The following NR3C2 variants were observed in gnomAD, a reference collection of about 807,000 sequenced individuals.
The protein encoded by NR3C2 is nuclear receptor subfamily 3 group C member 2.
In NR3C2, 15 loss-of-function variants were observed where a neutral mutation model predicts 86.4. The ratio of observed to expected loss-of-function variants is 0.17; its 90% confidence interval spans 0.12 to 0.27. NR3C2 has a LOEUF of 0.27. NR3C2 is among the 10% of genes least tolerant of loss of function. The pLI is 1.00. For missense variants in NR3C2, 960 were observed against 1,195.6 expected (o/e 0.80, Z 2.91); for synonymous variants, 458 against 450.5 (o/e 1.02, Z -0.21).
intron 3 of NR3C2, among the ~76,000 whole-genome samples, chr4:148,246,634 C>T (rs1300910105): frequency 6.6e-6 from 1 of 152,162 alleles, no homozygotes; most frequent in African/African-American, 2.4e-5. Context: ...TCACCGCAAC[C>T]TCTGTCTCCC....
chr4:148,297,337 T>C (rs1742101552), intron 2 of NR3C2, among the ~76,000 whole-genome samples: 1 of 152,266 alleles, frequency 6.6e-6, no homozygotes, highest in African/African-American at 2.4e-5. Context: ...AGAACAAAAA[T>C]ATTTCTGCAC....
At chr4:148,101,326 A>T (rs1399555095) in intron 8 of NR3C2, among the ~76,000 whole-genome samples, 1 of 152,202 alleles carries the variant, frequency 6.6e-6, no homozygotes, top group Admixed American at 6.5e-5. Flanking sequence ...CCGCTGGGAA[A>T]ACATTAACCT....
rs200698285 is a variant in NR3C2, at chr4:148,436,385, G to A, written c.476C>T (p.Thr159Met). 4.3e-6 allele frequency: 7 copies of A among 1,614,204 alleles called. No individual in the cohort carries two copies. In the East Asian group the frequency reaches 1.1e-4, roughly 26 times the overall value. ...HRPSTLSCVN[T>M]PLRSFMSDSG... ...GTCAGACATAAATGATCTCAAGGGC[G>A]TGTTCACACAACTTAGAGTGGAAGG... Residue 159 changes from threonine (T) to methionine (M), a missense_variant, in exon 2 of 9, where the codon ACG becomes ATG. Transcript: ENST00000358102.
At chr4:148,128,586 C>T (rs1732862466) in intron 6 of NR3C2, among the ~76,000 whole-genome samples, 1 of 152,180 alleles carries the variant, frequency 6.6e-6, no homozygotes, top group Non-Finnish European at 1.5e-5. Context: ...TTCCATCTTC[C>T]ACTGTCTAAA....
At chr4:148,233,774 C>T (rs1738590150) in intron 3 of NR3C2, among the ~76,000 whole-genome samples, 1 of 152,098 alleles carries the variant, frequency 6.6e-6, no homozygotes, top group African/African-American at 2.4e-5. Flanking sequence ...CTTACGTGGT[C>T]ATGGTTTGTG....
intron 2 of NR3C2, among the ~76,000 whole-genome samples, chr4:148,291,248 T>C (rs1364389800): frequency 2.0e-5 from 3 of 152,090 alleles, no homozygotes; most frequent in East Asian, 1.9e-4. Flanking sequence ...GATTTTTTTT[T>C]CCCTAACCAT....
At chr4:148,370,060 T>G (rs573554547) in intron 2 of NR3C2, among the ~76,000 whole-genome samples, 1 of 152,332 alleles carries the variant, frequency 6.6e-6, no homozygotes, top group East Asian at 1.9e-4. Flanking sequence ...TTGAAGTGTT[T>G]TTCTAGCGGT....
intron 2 of NR3C2, among the ~76,000 whole-genome samples, chr4:148,433,707 T>TACCAGCTCACTAAAA (rs1230163567): frequency 6.6e-6 from 1 of 152,174 alleles, no homozygotes; most frequent in African/African-American, 2.4e-5. Context: ...TACCAGGCTA[T>TACCAGCTCACTAAAA]ACTACCTCAT....
At chr4:148,319,840 T>G (rs1169019191) in intron 2 of NR3C2, among the ~76,000 whole-genome samples, 1 of 146,660 alleles carries the variant, frequency 6.8e-6, no homozygotes, top group African/African-American at 2.7e-5. Flanking sequence ...CAATTTGACT[T>G]CCTCTTTTCC....
At chr4:148,359,114 C>T (rs1745713638) in intron 2 of NR3C2, among the ~76,000 whole-genome samples, 1 of 152,024 alleles carries the variant, frequency 6.6e-6, no homozygotes, top group Non-Finnish European at 1.5e-5. Flanking sequence ...TGATTTTGGT[C>T]CAACTTCCCT....
intron 3 of NR3C2, among the ~76,000 whole-genome samples, chr4:148,249,454 A>G (rs1235892761): frequency 6.6e-6 from 1 of 152,188 alleles, no homozygotes; most frequent in Non-Finnish European, 1.5e-5. Context: ...CTGATTTGCT[A>G]TAAGTGACCT....
chr4:148,240,238 A>G (rs1390109638), intron 3 of NR3C2, among the ~76,000 whole-genome samples: 1 of 141,634 alleles, frequency 7.1e-6, no homozygotes, highest in African/African-American at 2.5e-5. Context: ...TATATTTATA[A>G]ATTATATATA....
chr4:148,155,893 G>A (rs995264780), intron 4 of NR3C2, among the ~76,000 whole-genome samples: 2 of 152,058 alleles, frequency 1.3e-5, no homozygotes, highest in African/African-American at 4.8e-5. Context: ...AAAACAGCAT[G>A]GTACTGGTAC....
At chr4:148,296,349 T>C (rs1742057237) in intron 2 of NR3C2, among the ~76,000 whole-genome samples, 1 of 152,068 alleles carries the variant, frequency 6.6e-6, no homozygotes, top group Non-Finnish European at 1.5e-5. Context: ...AACCATAAAA[T>C]ATTTTAGATT....
At chr4:148,318,843 G>A (rs1462905972) in intron 2 of NR3C2, among the ~76,000 whole-genome samples, 1 of 151,860 alleles carries the variant, frequency 6.6e-6, no homozygotes, top group Non-Finnish European at 1.5e-5. Flanking sequence ...TCACTCTGAT[G>A]GTAGTTTCTT....
intron 2 of NR3C2, among the ~76,000 whole-genome samples, chr4:148,377,635 A>AT (rs1434513465): frequency 9.9e-5 from 15 of 152,232 alleles, no homozygotes. Context: ...AACAATCATC[A>AT]TAACAGCAGG....
intron 2 of NR3C2, among the ~76,000 whole-genome samples, chr4:148,402,913 G>A (rs945383596): frequency 6.6e-6 from 1 of 151,980 alleles, no homozygotes; most frequent in Non-Finnish European, 1.5e-5. Flanking sequence ...AGTCTTAAAG[G>A]ATACACAATA....
At chr4:148,293,190 A>G (rs1271091364) in intron 2 of NR3C2, among the ~76,000 whole-genome samples, 1 of 152,206 alleles carries the variant, frequency 6.6e-6, no homozygotes, top group East Asian at 1.9e-4. Flanking sequence ...TAATAATATC[A>G]GAACACTGAC....
rs1164939207 is a variant in NR3C2 at position 148,154,597 on chromosome 4, T to G, written c.2319A>C (p.Ala773=). The change falls in exon 5 of 9, where the codon GCA becomes GCC. Residue 773 remains alanine, a synonymous_variant. Transcript: ENST00000358102. ...ENLLSTLNRL[A]GKQMIQVVKW... is the part of the protein sequence containing the mutation. Reference sequence around the variant, plus strand: ...TCACGACTTGGATCATCTGTTTGCCTGCTAAGCGGTTGAGCGTGGAGAGCA... The same window carrying G: ...TCACGACTTGGATCATCTGTTTGCCGGCTAAGCGGTTGAGCGTGGAGAGCA... 6.2e-7 allele frequency: 1 copy of G among 1,614,222 alleles called. No individual in the cohort carries two copies. The highest frequency in any genetic ancestry group is 2.2e-5 in the East Asian group (1 of 44,878).
Sources: allele counts gnomAD v4.1 joint callset (sites outside exome capture counted in the v4.1 genomes callset), GRCh38; gene constraint gnomAD v4.1.1; transcripts MANE v1.5; gene names NCBI Gene and HGNC (gene_info 2026-07-23, HGNC 2026-07-21).